Variants in SEPTIN11 observed in about 807,000 individuals in gnomAD.
The protein encoded by SEPTIN11 is septin-11.
Under a neutral mutation model 51.4 loss-of-function variants are expected in SEPTIN11, and 25 were observed. That is an observed-to-expected ratio of 0.49 (90% CI 0.35 to 0.68). The LOEUF (loss-of-function observed/expected upper bound fraction) is 0.68, where lower values mean the gene tolerates loss of function less well. SEPTIN11 is among the 30% of genes least tolerant of loss of function. The pLI, the probability that SEPTIN11 is intolerant of heterozygous loss-of-function variation, is 0.00. For synonymous variants in SEPTIN11, 174 were observed against 184.1 expected (o/e 0.95, Z 0.44); for missense variants, 381 against 520.8 (o/e 0.73, Z 2.61).
In SEPTIN11 at chr4:76,969,827, G is replaced by A. The variant is rs1346332769; in HGVS notation, c.27+19897G>A. Among the ~76,000 whole-genome samples, 13 of 152,116 alleles carry A rather than the reference G, an allele frequency of 8.5e-5. No individual in the cohort carries two copies. The South Asian group carries it at 2.5e-3, about 29-fold the overall frequency. On this transcript the variant is annotated intron_variant, in intron 1 of 9. Transcript: ENST00000264893. The stretch of plus-strand genomic sequence containing the variant: ...ATTTCTAGCCCTTTTCTGACTATTA[G>A]TTAAAAATTCAGATGCTTTCCTCCA...
At chr4:77,007,161 T>G (rs893037184) in intron 3 of SEPTIN11, among the ~76,000 whole-genome samples, 2 of 152,044 alleles carry the variant, frequency 1.3e-5, no homozygotes, top group African/African-American at 4.8e-5. Flanking sequence ...CCAAGAGCAG[T>G]AAATGAAGAG....
intron 1 of SEPTIN11, among the ~76,000 whole-genome samples, chr4:76,961,487 G>GGT (rs1444945238): frequency 2.0e-5 from 3 of 151,982 alleles, no homozygotes; most frequent in Non-Finnish European, 4.4e-5. Context: ...CTTGCAGTGG[G>GGT]GTTATGTCCT....
intron 1 of SEPTIN11, among the ~76,000 whole-genome samples, chr4:76,962,570 A>G (rs1721866771): frequency 6.6e-6 from 1 of 152,208 alleles, no homozygotes; most frequent in Non-Finnish European, 1.5e-5. Flanking sequence ...CACATGTCTC[A>G]CTTGGCATTA....
At chr4:76,966,674 C>G (rs1664601864) in intron 1 of SEPTIN11, among the ~76,000 whole-genome samples, 1 of 151,704 alleles carries the variant, frequency 6.6e-6, no homozygotes, top group South Asian at 2.1e-4. Context: ...CCAGCCCCGG[C>G]AACATGGTGA....
At chr4:77,031,205 C>T in intron 9 of SEPTIN11, 1 of 446,894 alleles carries the variant, frequency 2.2e-6, no homozygotes, top group Non-Finnish European at 3.9e-6. Context: ...CCTGGAGGAA[C>T]CTGTTGTCTC....
chr4:77,025,103 T>C (rs527883409), intron 7 of SEPTIN11, among the ~76,000 whole-genome samples: 2 of 140,594 alleles, frequency 1.4e-5, no homozygotes, highest in East Asian at 2.3e-4. Context: ...CCAAGGGCTG[T>C]TAAGAGGAAA....
intron 7 of SEPTIN11, among the ~76,000 whole-genome samples, chr4:77,025,354 T>A (rs1000205177): frequency 7.2e-5 from 11 of 151,790 alleles, no homozygotes; most frequent in Non-Finnish European, 1.5e-4. Context: ...CTGGGCAACA[T>A]AGGGAGACTT....
chr4:76,974,700 CTGGACACTGGTTTATTTA>C (rs1312025773), intron 1 of SEPTIN11: 2 of 455,238 alleles, frequency 4.4e-6, no homozygotes, highest in Non-Finnish European at 8.8e-6. Context: ...GTTTAGGACC[CTGGACACTGGTTTATTTA>C]TGGTGAAAAG....
intron 1 of SEPTIN11, among the ~76,000 whole-genome samples, chr4:76,963,371 T>C (rs1367395248): frequency 1.3e-5 from 2 of 152,238 alleles, no homozygotes; most frequent in Non-Finnish European, 2.9e-5. Flanking sequence ...TGAGGTGGGT[T>C]GGTTGGATAT....
chr4:76,965,292 A>C (rs941263060), intron 1 of SEPTIN11, among the ~76,000 whole-genome samples: 2 of 151,918 alleles, frequency 1.3e-5, no homozygotes, highest in African/African-American at 4.8e-5. Flanking sequence ...CTCTACTAAA[A>C]ATACAAAAAT....
rs1481845366 is a variant in SEPTIN11 at position 77,036,583 on chromosome 4, A to G, written c.*2071A>G. The G allele has an allele frequency of 7.0e-7, 1 of 1,427,080 alleles. No homozygotes were observed. The highest frequency in any genetic ancestry group is 9.1e-7 in the Non-Finnish European group (1 of 1,098,650). The allele number at this position is 1,427,080 out of a possible 1,614,324, so 88.4% of individuals were successfully genotyped here. On this transcript the variant is annotated 3_prime_UTR_variant, in exon 10 of 10. Coordinates refer to ENST00000264893, the MANE Select transcript of SEPTIN11 (RefSeq NM_018243.4). ...GATTGGATTGACTTTTTTGCATTAA[A>G]TTTTTCCCAGCAAAATAAATCATAT...
intron 7 of SEPTIN11, 183 bp downstream of exon 7, chr4:77,020,853 C>G (rs1405456617): frequency 3.4e-6 from 2 of 588,874 alleles, no homozygotes; most frequent in African/African-American, 3.8e-5. Flanking sequence ...AACTAACTTA[C>G]CTAGTTGATG....
At chr4:77,033,689 ACTGT>A (rs1263738972) in intron 9 of SEPTIN11, among the ~76,000 whole-genome samples, 1 of 152,136 alleles carries the variant, frequency 6.6e-6, no homozygotes, top group Non-Finnish European at 1.5e-5. Flanking sequence ...TTTTCTGAAA[ACTGT>A]CTGCACAATT....
At chr4:76,995,119 C>T (rs1023963413) in intron 1 of SEPTIN11, among the ~76,000 whole-genome samples, 47 of 150,428 alleles carry the variant, frequency 3.1e-4, no homozygotes, top group African/African-American at 1.0e-3. Flanking sequence ...TGTGGTGGCT[C>T]ATGCCTGTAA....
intron 7 of SEPTIN11, chr4:77,021,277 A>G (rs1347109536): frequency 6.6e-6 from 1 of 152,496 alleles, no homozygotes. Flanking sequence ...TGTAGAATTA[A>G]TATCCTAGCC....
chr4:76,963,624 G>C (rs1440882265), intron 1 of SEPTIN11, among the ~76,000 whole-genome samples: 1 of 152,130 alleles, frequency 6.6e-6, no homozygotes, highest in African/African-American at 2.4e-5. Context: ...TTAAACACTT[G>C]AAATGTGGCT....
intron 1 of SEPTIN11, among the ~76,000 whole-genome samples, chr4:76,983,100 G>A (rs143338548): frequency 6.6e-5 from 10 of 152,216 alleles, no homozygotes; most frequent in African/African-American, 1.7e-4. Context: ...TGGTGTACAC[G>A]CTCTGCATAA....
chr4:77,033,221 C>T (rs1394095995), intron 9 of SEPTIN11, among the ~76,000 whole-genome samples: 1 of 151,904 alleles, frequency 6.6e-6, no homozygotes, highest in Non-Finnish European at 1.5e-5. Flanking sequence ...AGAGGGACCG[C>T]AGAAAGACAG....
chr4:76,965,711 CAT>C, intron 1 of SEPTIN11, among the ~76,000 whole-genome samples: 1 of 152,136 alleles, frequency 6.6e-6, no homozygotes. Context: ...TTCCTCACAA[CAT>C]AAAGCAAGAA....
Sources: allele counts gnomAD v4.1 joint callset (sites outside exome capture counted in the v4.1 genomes callset), GRCh38; gene constraint gnomAD v4.1.1; transcripts MANE v1.5; gene names NCBI Gene and HGNC (gene_info 2026-07-23, HGNC 2026-07-21).